The following STX8 variants were observed in gnomAD, a reference collection of about 807,000 sequenced individuals.
STX8 encodes the protein syntaxin-8.
A neutral mutation model predicts 37.5 loss-of-function variants in STX8; 23 were observed. The ratio of observed to expected loss-of-function variants is 0.61; its 90% confidence interval spans 0.44 to 0.87. STX8 has a LOEUF of 0.87. STX8 is among the 40% of genes least tolerant of loss of function. The pLI is 0.00. For synonymous variants in STX8, 115 were observed against 99.1 expected (o/e 1.16, Z -0.95); for missense variants, 313 against 284.7 (o/e 1.10, Z -0.71).
chr17:9,566,037 GA>G (rs1238471588), intron 2 of STX8, among the ~76,000 whole-genome samples: 1 of 152,184 alleles, frequency 6.6e-6, no homozygotes, highest in Non-Finnish European at 1.5e-5. Context: ...CACATTGTGA[GA>G]AAATATTTGC....
intron 7 of STX8, among the ~76,000 whole-genome samples, chr17:9,317,369 T>C (rs1319040759): frequency 6.6e-6 from 1 of 151,940 alleles, no homozygotes; most frequent in Non-Finnish European, 1.5e-5. Flanking sequence ...GAGTGAGAAA[T>C]GGGGCTGAAA....
intron 6 of STX8, among the ~76,000 whole-genome samples, chr17:9,424,053 T>C (rs1417743354): frequency 6.6e-6 from 1 of 152,140 alleles, no homozygotes; most frequent in Non-Finnish European, 1.5e-5. Flanking sequence ...TTTCCAGATG[T>C]GTTGACCTCA....
At chr17:9,324,035 C>T (rs946874146) in intron 7 of STX8, among the ~76,000 whole-genome samples, 11 of 151,844 alleles carry the variant, frequency 7.2e-5, no homozygotes, top group Non-Finnish European at 1.3e-4. Context: ...GATGAGAAAA[C>T]TGAAGCAATG....
At chr17:9,311,222 G>A (rs1697535217) in intron 7 of STX8, among the ~76,000 whole-genome samples, 1 of 144,512 alleles carries the variant, frequency 6.9e-6, no homozygotes, top group African/African-American at 2.6e-5. Context: ...GGTAGACAGA[G>A]CAAGACTCCG....
At chr17:9,260,431 C>T (rs1190711897) in intron 7 of STX8, among the ~76,000 whole-genome samples, 1 of 152,290 alleles carries the variant, frequency 6.6e-6, no homozygotes. Context: ...TGAGACCAGC[C>T]GGGCCAACAT....
Position 9,570,686 on chromosome 17 carries a change from GAA to G in STX8, c.18-2218_18-2217del, listed in dbSNP as rs140977236. 1.0e-3 allele frequency among the ~76,000 whole-genome samples: 156 copies of G among 152,174 alleles called. 1 individual carries two copies. The highest frequency in any genetic ancestry group is 3.6e-3 in the African/African-American group (149 of 41,514). ...ACTTTTTTTTCCTCCATATTATCATGAAAAGAGGAGCCTAGGTCTGGCTCTGG... is the reference window on the plus strand; with the variant it reads ...ACTTTTTTTTCCTCCATATTATCATGAAGAGGAGCCTAGGTCTGGCTCTGG... On this transcript the variant is annotated intron_variant, in intron 1 of 7. Coordinates refer to ENST00000306357, the MANE Select transcript of STX8 (RefSeq NM_004853.3).
intron 7 of STX8, among the ~76,000 whole-genome samples, chr17:9,255,777 T>C (rs1005910781): frequency 3.3e-5 from 5 of 152,060 alleles, no homozygotes; most frequent in Non-Finnish European, 4.4e-5. Flanking sequence ...ATACTGAGGG[T>C]CAACTGAGGA....
rs368160219 is a variant in STX8 at position 9,569,478 on chromosome 17, G to A, written c.18-1008C>T. On this transcript the variant is annotated intron_variant, in intron 1 of 7. Transcript: ENST00000306357. The stretch of plus-strand genomic sequence containing the variant: ...CTAGCCTAAAACCAAATGCTCCGGG[G>A]ACAAAGGCCACACACCCACCTGACA... 1.9e-5 allele frequency: 3 copies of A among 154,052 alleles called. No homozygotes were observed. In the East Asian group the frequency reaches 5.8e-4, roughly 30 times the overall value. The allele number at this position is 154,052 out of a possible 1,614,324, so 9.5% of individuals were successfully genotyped here.
chr17:9,365,107 T>C (rs1276866579), intron 7 of STX8, among the ~76,000 whole-genome samples: 1 of 151,862 alleles, frequency 6.6e-6, no homozygotes, highest in African/African-American at 2.4e-5. Flanking sequence ...TAGATAGATA[T>C]GAGAAAGAGA....
chr17:9,264,157 T>C (rs1432704860), intron 7 of STX8, among the ~76,000 whole-genome samples: 1 of 152,196 alleles, frequency 6.6e-6, no homozygotes, highest in African/African-American at 2.4e-5. Context: ...CCAGCCCCAC[T>C]GGGTTCCAGC....
rs1402059937 is a variant in STX8, at chr17:9,333,443, A to G, written c.643+45109T>C. On this transcript the variant is annotated intron_variant, in intron 7 of 7. Transcript: ENST00000306357. Reference sequence around the variant, plus strand: ...TGCTCTGTCACCCAGGCTGGAGTGCAGTGGCATGATCTCGGCTCACTGCAA... The same window carrying G: ...TGCTCTGTCACCCAGGCTGGAGTGCGGTGGCATGATCTCGGCTCACTGCAA... Among the ~76,000 whole-genome samples, 3 of 152,302 alleles carry G rather than the reference A, an allele frequency of 2.0e-5. No individual in the cohort carries two copies. In the East Asian group the frequency reaches 5.8e-4, roughly 29 times the overall value.
intron 7 of STX8, 48 bp downstream of exon 7, chr17:9,378,504 A>T (rs762404938): frequency 2.6e-6 from 4 of 1,527,166 alleles, no homozygotes; most frequent in Middle Eastern, 1.7e-4. Context: ...AGCAGAGTAA[A>T]TCCACAAGCT....
chr17:9,281,848 C>T (rs907037883), intron 7 of STX8, among the ~76,000 whole-genome samples: 2 of 152,126 alleles, frequency 1.3e-5, no homozygotes, highest in East Asian at 3.9e-4. Flanking sequence ...GCAGGAGAAT[C>T]GCTTGAACCT....
intron 6 of STX8, among the ~76,000 whole-genome samples, chr17:9,384,127 T>C (rs75881974): frequency 1.4e-5 from 1 of 72,116 alleles, no homozygotes; most frequent in South Asian, 3.6e-4. Context: ...TCATTTGTTA[T>C]TTTTTTTTTT....
chr17:9,289,012 T>C (rs1287593934), intron 7 of STX8, among the ~76,000 whole-genome samples: 1 of 152,120 alleles, frequency 6.6e-6, no homozygotes, highest in African/African-American at 2.4e-5. Context: ...TTTAGGATGC[T>C]GGGACTAAAG....
chr17:9,514,830 A>C (rs1253979141), intron 4 of STX8, among the ~76,000 whole-genome samples: 1 of 152,156 alleles, frequency 6.6e-6, no homozygotes, highest in Non-Finnish European at 1.5e-5. Context: ...TTTTATATAG[A>C]TAAGGTGCAT....
chr17:9,551,075 C>A (rs545189747), intron 3 of STX8, among the ~76,000 whole-genome samples: 1 of 151,190 alleles, frequency 6.6e-6, no homozygotes, highest in Non-Finnish European at 1.5e-5. Context: ...AACTCCGTCT[C>A]AAAAAAAAAT....
chr17:9,292,547 A>T (rs1233778798), intron 7 of STX8, among the ~76,000 whole-genome samples: 1 of 152,226 alleles, frequency 6.6e-6, no homozygotes, highest in Admixed American at 6.5e-5. Flanking sequence ...GGAGGCACTC[A>T]TATTTCTCCA....
At chr17:9,390,510 G>A (rs564498809) in intron 6 of STX8, among the ~76,000 whole-genome samples, 22 of 137,942 alleles carry the variant, frequency 1.6e-4, no homozygotes, top group African/African-American at 5.4e-5. Context: ...CAGCAAGAGC[G>A]AAACTCCGTC....
Sources: allele counts gnomAD v4.1 joint callset (sites outside exome capture counted in the v4.1 genomes callset), GRCh38; gene constraint gnomAD v4.1.1; transcripts MANE v1.5; gene names NCBI Gene and HGNC (gene_info 2026-07-23, HGNC 2026-07-21).